The following RIN2 variants were observed in gnomAD, a reference collection of about 807,000 sequenced individuals.
The protein encoded by RIN2 is Ras and Rab interactor 2, also known as RAB5 interacting protein 2.
Under a neutral mutation model 78.0 loss-of-function variants are expected in RIN2, and 36 were observed. That is an observed-to-expected ratio of 0.46 (90% CI 0.35 to 0.61). RIN2 has a LOEUF of 0.61. Ranked by LOEUF, RIN2 falls within the 20% of genes least tolerant of loss-of-function variation. RIN2 has a pLI of 0.00. For missense variants in RIN2, 1,087 were observed against 1,159.7 expected (o/e 0.94, Z 0.91); for synonymous variants, 466 against 466.8 (o/e 1.00, Z 0.02).
At chr20:19,791,619 T>C (rs1162638608) in intron 1 of RIN2, among the ~76,000 whole-genome samples, 1 of 152,240 alleles carries the variant, frequency 6.6e-6, no homozygotes, top group Non-Finnish European at 1.5e-5. Context: ...GTAATCTAAA[T>C]TTTCTTCATT....
intron 4 of RIN2, among the ~76,000 whole-genome samples, chr20:19,941,258 C>T (rs777339730): frequency 5.9e-5 from 9 of 152,264 alleles, no homozygotes; most frequent in African/African-American, 7.2e-5. Context: ...ACAGGAAACC[C>T]AGAAGGCTCC....
At chr20:19,844,669 C>CTTCTTCCTCTTCCTCTT (rs1232176696) in intron 2 of RIN2, among the ~76,000 whole-genome samples, 1 of 76,166 alleles carries the variant, frequency 1.3e-5, no homozygotes, top group African/African-American at 6.2e-5. Flanking sequence ...TCTTCTTCTT[C>CTTCTTCCTCTTCCTCTT]CTTCTTCTTC....
intron 1 of RIN2, among the ~76,000 whole-genome samples, chr20:19,791,179 T>G (rs2034879441): frequency 6.6e-6 from 1 of 152,222 alleles, no homozygotes; most frequent in South Asian, 2.1e-4. Flanking sequence ...ATGAATTACT[T>G]GTCCCATTTC....
At chr20:19,835,444 A>G (rs1362488913) in intron 2 of RIN2, among the ~76,000 whole-genome samples, 1 of 152,244 alleles carries the variant, frequency 6.6e-6, no homozygotes, top group Non-Finnish European at 1.5e-5. Context: ...GTCTTCAATA[A>G]CAATCATTAT....
At chr20:19,833,297 T>A (rs1002764298) in intron 2 of RIN2, among the ~76,000 whole-genome samples, 3 of 145,908 alleles carry the variant, frequency 2.1e-5, no homozygotes, top group African/African-American at 7.9e-5. Flanking sequence ...ATATATATAT[T>A]TTAACTTTAA....
intron 2 of RIN2, among the ~76,000 whole-genome samples, chr20:19,874,828 C>T (rs907323359): frequency 2.7e-5 from 4 of 150,514 alleles, no homozygotes; most frequent in Non-Finnish European, 4.4e-5. Context: ...TATAGATACA[C>T]TTTTATTTTT....
intron 1 of RIN2, among the ~76,000 whole-genome samples, chr20:19,799,146 C>T (rs1016382846): frequency 6.6e-6 from 1 of 152,114 alleles, no homozygotes; most frequent in African/African-American, 2.4e-5. Context: ...AGCGATCCAC[C>T]CACCTCTGCC....
intron 2 of RIN2, among the ~76,000 whole-genome samples, chr20:19,802,395 G>A (rs1028701994): frequency 6.6e-6 from 1 of 151,966 alleles, no homozygotes; most frequent in Non-Finnish European, 1.5e-5. Context: ...AGCCCTTTGG[G>A]AGGCCAAGGC....
chr20:19,864,519 A>G (rs538118205), intron 2 of RIN2, among the ~76,000 whole-genome samples: 1 of 152,316 alleles, frequency 6.6e-6, no homozygotes. Context: ...ATGGAATTTG[A>G]CAAGAAGAAA....
intron 2 of RIN2, among the ~76,000 whole-genome samples, chr20:19,834,909 G>A (rs1049620209): frequency 3.3e-5 from 5 of 150,868 alleles, no homozygotes; most frequent in Admixed American, 2.7e-4. Flanking sequence ...AAGCCACTGC[G>A]CTCCAGCCAG....
chr20:19,903,121 A>T (rs2039060348), intron 3 of RIN2, among the ~76,000 whole-genome samples: 2 of 152,178 alleles, frequency 1.3e-5, no homozygotes, highest in Admixed American at 6.5e-5. Context: ...AAAATAAAAT[A>T]AAATTTAAAT....
At chr20:19,759,869 A>AC (rs1186076685) in intron 1 of RIN2, among the ~76,000 whole-genome samples, 1 of 151,946 alleles carries the variant, frequency 6.6e-6, no homozygotes, top group Admixed American at 6.5e-5. Flanking sequence ...TCTAAAAAAA[A>AC]AGAACCCTGC....
Position 19,765,205 on chromosome 20 carries a change from TATTA to T in RIN2, c.-163+6882_-163+6885del, listed in dbSNP as rs1465525952. Reference sequence around the variant, plus strand: ...CCCAAATCTTCTTGGCAAATTCACTTATTAATTCTTCCAGTGAAATTTTATTCCA... The same window carrying T: ...CCCAAATCTTCTTGGCAAATTCACTTATTCTTCCAGTGAAATTTTATTCCA... On this transcript the variant is annotated intron_variant, in intron 1 of 12. Transcript: ENST00000255006. Among the ~76,000 whole-genome samples the T allele has an allele frequency of 6.6e-5, 10 of 152,274 alleles. No homozygotes were observed. The South Asian group carries it at 1.9e-3, about 28-fold the overall frequency.
upstream of RIN2, chr20:19,757,698 G>A (rs2033427474): frequency 1.3e-5 from 2 of 152,320 alleles, no homozygotes; most frequent in Admixed American, 6.5e-5. Context: ...ACAGATCCCG[G>A]GATCTGTAGT....
chr20:19,998,411 A>T (rs2043038987), intron 12 of RIN2, among the ~76,000 whole-genome samples: 1 of 152,132 alleles, frequency 6.6e-6, no homozygotes, highest in Non-Finnish European at 1.5e-5. Flanking sequence ...AGCCTTGGCA[A>T]CAAAGTGAGA....
intron 1 of RIN2, among the ~76,000 whole-genome samples, chr20:19,783,720 T>G (rs1026428367): frequency 1.1e-3 from 169 of 152,272 alleles, no homozygotes; most frequent in African/African-American, 4.0e-3. Flanking sequence ...ATTTACCCCA[T>G]GGACAGCTAG....
chr20:19,896,000 A>G (rs2038702740), intron 3 of RIN2: 1 of 152,152 alleles, frequency 6.6e-6, no homozygotes, highest in Non-Finnish European at 1.5e-5. Flanking sequence ...CCAACTGCAC[A>G]TCTCAGGCCT....
In RIN2 at chr20:19,864,573, A is replaced by G. The variant is rs78203230; in HGVS notation, c.-36-24993A>G. Among the ~76,000 whole-genome samples, 641 of 152,316 alleles carry G rather than the reference A, an allele frequency of 4.2e-3. 3 individuals carry two copies. The highest frequency in any genetic ancestry group is 0.015 in the African/African-American group (620 of 41,568). On this transcript the variant is annotated intron_variant, in intron 2 of 12. Transcript: ENST00000255006. Reference sequence around the variant, plus strand: ...GTTCCAATACACTTCTCCTTTGTCAAAATATGATCATTTAAAAGTTTAAAA... The same window carrying G: ...GTTCCAATACACTTCTCCTTTGTCAGAATATGATCATTTAAAAGTTTAAAA...
Position 19,956,748 on chromosome 20 carries a change from C to T in RIN2, c.292C>T (p.Leu98=). The T allele has an allele frequency of 1.2e-6, 2 of 1,607,816 alleles. No individual in the cohort carries two copies. Among genetic ancestry groups the T allele is most frequent in the Non-Finnish European group, 1.7e-6 (2 of 1,177,284 alleles). ...DRLLHTHPIW[L]QLSLSEEEAA... ...GCTCCTCCACACCCACCCCATATGGCTGCAGCTGAGTCTGAGTGAGGAGGA... is the reference window on the plus strand; with the variant it reads ...GCTCCTCCACACCCACCCCATATGGTTGCAGCTGAGTCTGAGTGAGGAGGA... The change falls in exon 5 of 13, where the codon CTG becomes TTG. Residue 98 remains leucine (L), a synonymous_variant. Coordinates refer to ENST00000255006, the MANE Select transcript of RIN2 (RefSeq NM_018993.4).
Sources: allele counts gnomAD v4.1 joint callset (sites outside exome capture counted in the v4.1 genomes callset), GRCh38; gene constraint gnomAD v4.1.1; transcripts MANE v1.5; gene names NCBI Gene and HGNC (gene_info 2026-07-23, HGNC 2026-07-21).